Variants in DCLK1 observed in about 807,000 individuals in gnomAD.
The protein encoded by DCLK1 is doublecortin like kinase 1.
Under a neutral mutation model 86.2 loss-of-function variants are expected in DCLK1, and 16 were observed. The ratio of observed to expected loss-of-function variants is 0.19; its 90% CI spans 0.13 to 0.28. DCLK1 has a LOEUF of 0.28. Ranked by LOEUF, DCLK1 falls within the 10% of genes least tolerant of loss-of-function variation. The probability of loss-of-function intolerance (pLI) is 1.00; values close to 1 mark genes in which losing one functional copy is unlikely to be tolerated. For missense variants in DCLK1, 590 were observed against 940.2 expected, an observed-to-expected ratio of 0.63 and a Z score of 4.87; for synonymous variants, 369 against 370.5, an observed-to-expected ratio of 1.00 and a Z score of 0.05.
chr13:35,788,034 T>TG, intron 16 of DCLK1: 1 of 643,994 alleles, frequency 1.6e-6, no homozygotes, highest in Admixed American at 2.8e-5. Context: ...GAATAATGGG[T>TG]GAAAAAAAGG....
intron 3 of DCLK1, among the ~76,000 whole-genome samples, chr13:36,065,385 A>T (rs893893603): frequency 1.3e-5 from 2 of 152,184 alleles, no homozygotes; most frequent in African/African-American, 4.8e-5. Flanking sequence ...TTCCTATAGG[A>T]TCAAAAGGAA....
intron 3 of DCLK1, among the ~76,000 whole-genome samples, chr13:35,964,267 G>A (rs1245908805): frequency 6.6e-6 from 1 of 152,182 alleles, no homozygotes; most frequent in East Asian, 1.9e-4. Context: ...GGAATATGCC[G>A]TGAAGTGCCA....
At chr13:35,848,851 C>T (rs1365720348) in intron 6 of DCLK1, 1 of 985,294 alleles carries the variant, frequency 1.0e-6, no homozygotes, top group Non-Finnish European at 1.2e-6. Context: ...ATGCATTTTA[C>T]AAAGACATAA....
At chr13:35,974,972 T>C (rs920586392) in intron 3 of DCLK1, among the ~76,000 whole-genome samples, 1 of 152,306 alleles carries the variant, frequency 6.6e-6, no homozygotes, top group Non-Finnish European at 1.5e-5. Flanking sequence ...AGCTCAATGA[T>C]CTCATTTCAG....
At chr13:35,958,124 TAC>T (rs1566620556) in intron 3 of DCLK1, among the ~76,000 whole-genome samples, 8 of 1,078 alleles carry the variant, frequency 7.4e-3, no homozygotes, top group Non-Finnish European at 0.015. Context: ...CCACCACCAC[TAC>T]CACTACTATA....
At chr13:36,129,179 A>G (rs185719272) in intron 1 of DCLK1, among the ~76,000 whole-genome samples, 2 of 152,366 alleles carry the variant, frequency 1.3e-5, no homozygotes, top group Non-Finnish European at 2.9e-5. Flanking sequence ...CTGTTACCAG[A>G]AAGAGTGCAC....
At chr13:35,960,076 A>C (rs1878375224) in intron 3 of DCLK1, among the ~76,000 whole-genome samples, 1 of 152,148 alleles carries the variant, frequency 6.6e-6, no homozygotes, top group Non-Finnish European at 1.5e-5. Context: ...AGAGAAAAAA[A>C]GTGGAGAATC....
At chr13:36,000,894 T>A (rs1566639772) in intron 3 of DCLK1, among the ~76,000 whole-genome samples, 1 of 152,340 alleles carries the variant, frequency 6.6e-6, no homozygotes, top group South Asian at 2.1e-4. Context: ...AACTTACATT[T>A]TTAATACATT....
intron 3 of DCLK1, among the ~76,000 whole-genome samples, chr13:36,041,256 A>G (rs932852585): frequency 2.0e-5 from 3 of 152,084 alleles, no homozygotes; most frequent in African/African-American, 7.2e-5. Context: ...CTAATCTACA[A>G]CTTGCATCAT....
At chr13:36,073,331 C>A (rs576054174) in intron 3 of DCLK1, among the ~76,000 whole-genome samples, 2 of 152,088 alleles carry the variant, frequency 1.3e-5, no homozygotes, top group Non-Finnish European at 2.9e-5. Flanking sequence ...TTTTTAAGGG[C>A]CTCTTATGGG....
At chr13:35,908,413 T>C (rs1874803265) in intron 4 of DCLK1, among the ~76,000 whole-genome samples, 1 of 152,166 alleles carries the variant, frequency 6.6e-6, no homozygotes, top group Non-Finnish European at 1.5e-5. Context: ...AAGACCTGGA[T>C]TATGCTAATT....
intron 3 of DCLK1, among the ~76,000 whole-genome samples, chr13:36,018,026 C>T (rs117981091): frequency 2.0e-5 from 3 of 152,312 alleles, no homozygotes; most frequent in South Asian, 2.1e-4. Flanking sequence ...AGTTCTTCTA[C>T]GGCCTTTATT....
At chr13:35,961,114 A>G (rs1240696671) in intron 3 of DCLK1, among the ~76,000 whole-genome samples, 1 of 152,218 alleles carries the variant, frequency 6.6e-6, no homozygotes, top group East Asian at 1.9e-4. Context: ...CTTAAGTTTA[A>G]AACTCAATTC....
intron 3 of DCLK1, among the ~76,000 whole-genome samples, chr13:35,998,543 C>T (rs1311234114): frequency 6.6e-6 from 1 of 152,114 alleles, no homozygotes; most frequent in African/African-American, 2.4e-5. Context: ...CATACTTATG[C>T]CAAACTCTGG....
chr13:36,094,464 T>A (rs1315830494), intron 3 of DCLK1, among the ~76,000 whole-genome samples: 13 of 152,308 alleles, frequency 8.5e-5, no homozygotes, highest in African/African-American at 2.9e-4. Flanking sequence ...GCTGTTGGTG[T>A]TCTGTTGCGT....
intron 3 of DCLK1, among the ~76,000 whole-genome samples, chr13:35,968,514 A>T (rs187350168): frequency 2.6e-4 from 39 of 152,246 alleles, no homozygotes; most frequent in Non-Finnish European, 5.0e-4. Flanking sequence ...TGCAATTACT[A>T]CTGTCTACAA....
At position 35,773,551 on chromosome 13, in the gene DCLK1, A is replaced by G. The variant is rs2086369855; in HGVS notation, c.*984T>C. On this transcript the variant is annotated 3_prime_UTR_variant, in exon 17 of 17. Transcript: ENST00000360631. ...CTCTCCTATGTGTGGATTTCATACT[A>G]GATGTAGATTGCACAGTGATGACCA... 1 of 151,222 alleles carries G rather than the reference A, an allele frequency of 6.6e-6. No individual in the cohort carries two copies. Among genetic ancestry groups the G allele is most frequent in the African/African-American group, 2.4e-5 (1 of 40,852 alleles). 9.4% of individuals were successfully genotyped at this position (151,222 alleles called of 1,614,324 possible). A position where few individuals can be genotyped will look rare whatever the true frequency, so the allele number is the denominator to read the frequency against.
intron 4 of DCLK1, among the ~76,000 whole-genome samples, chr13:35,938,343 C>A (rs969734629): frequency 2.0e-5 from 3 of 151,962 alleles, no homozygotes; most frequent in Admixed American, 6.6e-5. Context: ...CAAAAATGAG[C>A]ACTAGGCCAG....
chr13:35,910,870 G>C (rs899725731), intron 4 of DCLK1, among the ~76,000 whole-genome samples: 1 of 152,112 alleles, frequency 6.6e-6, no homozygotes, highest in Non-Finnish European at 1.5e-5. Context: ...TTAGAAACTA[G>C]CAAAAGACAA....
Sources: gnomAD v4.1 joint callset for allele counts (sites outside exome capture counted in the v4.1 genomes callset) on GRCh38, gnomAD v4.1.1 for gene constraint, MANE v1.5 for transcripts, NCBI Gene and HGNC (gene_info 2026-07-23, HGNC 2026-07-21) for gene names.